Variants in NLK observed in about 807,000 individuals in gnomAD.
NLK encodes the protein serine/threonine-protein kinase NLK.
Under a neutral mutation model 59.0 loss-of-function variants are expected in NLK, and 11 were observed. The observed-to-expected ratio is 0.19, with a 90% CI of 0.12 to 0.31. The LOEUF is 0.31. Among genes scored for constraint, NLK ranks in the 10% least tolerant of loss-of-function variants. The pLI is 1.00. For missense variants in NLK, 410 were observed against 661.1 expected (o/e 0.62, Z 4.16); for synonymous variants, 235 against 235.9 (o/e 1.00, Z 0.03).
rs373300084 is a variant in NLK at position 28,080,198 on chromosome 17, TC to T, written c.458+36869del. Among the ~76,000 whole-genome samples the T allele has an allele frequency of 4.4e-3, 677 of 152,298 alleles. 7 individuals are homozygous for T. Among genetic ancestry groups the T allele is most frequent in the African/African-American group, 0.016 (645 of 41,548 alleles). ...CAGGCACCGTCGCTCATGTCTGTAA[TC>T]CTGGCACTTTGGGAGGCCAAGGCAG... On this transcript the variant is annotated intron_variant, in intron 1 of 10. Transcript: ENST00000407008.
chr17:28,154,855 G>C (rs533169841), intron 3 of NLK, among the ~76,000 whole-genome samples: 1 of 152,012 alleles, frequency 6.6e-6, no homozygotes, highest in African/African-American at 2.4e-5. Flanking sequence ...CCAACATGGC[G>C]AAACCCCATC....
At chr17:28,137,892 T>G (rs1053443088) in intron 3 of NLK, among the ~76,000 whole-genome samples, 1 of 152,080 alleles carries the variant, frequency 6.6e-6, no homozygotes, top group Non-Finnish European at 1.5e-5. Flanking sequence ...CTTTTTGTCT[T>G]CATAGTTTTT....
chr17:28,064,878 T>C (rs1279454593), intron 1 of NLK, among the ~76,000 whole-genome samples: 1 of 152,238 alleles, frequency 6.6e-6, no homozygotes, highest in East Asian at 1.9e-4. Flanking sequence ...AAATTAAATG[T>C]GATAATGTGT....
At chr17:28,087,502 A>C (rs888939386) in intron 1 of NLK, among the ~76,000 whole-genome samples, 1 of 152,222 alleles carries the variant, frequency 6.6e-6, no homozygotes, top group Non-Finnish European at 1.5e-5. Context: ...ATAGAAGATC[A>C]TTATCTCGCC....
At chr17:28,194,442 A>C (rs908029355) in intron 10 of NLK, 140 bp from the exon 11 acceptor site, 1 of 617,344 alleles carries the variant, frequency 1.6e-6, no homozygotes, top group Admixed American at 2.8e-5. Flanking sequence ...CTTAGAATAA[A>C]TTCAACTTCA....
At chr17:28,152,336 A>G (rs976932924) in intron 3 of NLK, among the ~76,000 whole-genome samples, 2 of 152,136 alleles carry the variant, frequency 1.3e-5, no homozygotes, top group African/African-American at 4.8e-5. Flanking sequence ...TCGTTTATAA[A>G]TTTATAAGTC....
downstream of NLK, among the ~76,000 whole-genome samples, chr17:28,199,672 AAAAAAAAAAAAACAAAACAAAAC>A (rs1909574853): frequency 1.6e-5 from 1 of 64,232 alleles, no homozygotes; most frequent in East Asian, 3.9e-4. Flanking sequence ...TCTCAAAAAA[AAAAAAAAAAAAACAAAACAAAAC>A]AAAAAAAAAA....
At chr17:28,096,082 G>A (rs1418756400) in intron 1 of NLK, among the ~76,000 whole-genome samples, 3 of 152,130 alleles carry the variant, frequency 2.0e-5, no homozygotes, top group Non-Finnish European at 4.4e-5. Context: ...ATTAAATGGT[G>A]ACATTCAAGA....
downstream of NLK, among the ~76,000 whole-genome samples, chr17:28,198,243 C>A (rs984765420): frequency 6.6e-6 from 1 of 152,024 alleles, no homozygotes; most frequent in African/African-American, 2.4e-5. Context: ...CTCAAGTGAG[C>A]CTCCCACCTC....
At chr17:28,201,402 A>G in the NLK span, among the ~76,000 whole-genome samples, 2 of 47,150 alleles carry the variant, frequency 4.2e-5, no homozygotes, top group African/African-American at 8.2e-5. Context: ...TTTTTTTTTT[A>G]AAGAGACAGG....
At chr17:28,186,190 T>G (rs995141123) in intron 8 of NLK, among the ~76,000 whole-genome samples, 7 of 152,178 alleles carry the variant, frequency 4.6e-5, no homozygotes, top group African/African-American at 1.7e-4. Context: ...GTTATTAAGT[T>G]TACATTGGTC....
At chr17:28,122,441 A>G (rs1284206472) in intron 1 of NLK, among the ~76,000 whole-genome samples, 162 bp from the exon 2 acceptor site, 1 of 151,886 alleles carries the variant, frequency 6.6e-6, no homozygotes, top group Admixed American at 6.6e-5. Flanking sequence ...ATAGATATGT[A>G]CTCTTTTATC....
intron 3 of NLK, 23 bp from the exon 4 acceptor site, chr17:28,161,137 T>A: frequency 1.5e-6 from 2 of 1,372,838 alleles, no homozygotes; most frequent in South Asian, 2.3e-5. Flanking sequence ...TTCGCCGAAC[T>A]CTCCTTAACT....
intron 1 of NLK, among the ~76,000 whole-genome samples, chr17:28,049,621 CAG>C (rs1447738152): frequency 6.6e-6 from 1 of 152,154 alleles, no homozygotes; most frequent in Non-Finnish European, 1.5e-5. Flanking sequence ...TGCCTACTCT[CAG>C]GGTGTCCTCA....
chr17:28,146,407 C>CGATGATGAT (rs942764425), intron 3 of NLK, among the ~76,000 whole-genome samples: 2 of 63,386 alleles, frequency 3.2e-5, no homozygotes, highest in East Asian at 7.1e-4. Context: ...ATGATGATGA[C>CGATGATGAT]GATGATGATG....
chr17:28,152,628 CT>C (rs565643753), intron 3 of NLK, among the ~76,000 whole-genome samples: 118 of 147,148 alleles, frequency 8.0e-4, no homozygotes, highest in Non-Finnish European at 6.0e-4. Context: ...ATGCTTTATA[CT>C]TTTTTTTTTT....
Position 28,191,010 on chromosome 17 carries a change from T to C in NLK, c.1237-11T>C. ...GTAGTGTTGATGTGCTGGTCTCTAA[T>C]TTGATTTCAGTCCAAAAGAATATCC... On this transcript the variant is annotated splice_polypyrimidine_tract_variant and intron_variant, in intron 8 of 10. Coordinates refer to ENST00000407008, the MANE Select transcript of NLK (RefSeq NM_016231.5). 1 of 1,576,566 alleles carries C rather than the reference T, an allele frequency of 6.3e-7. No individual in the cohort carries two copies. The highest frequency in any genetic ancestry group is 1.9e-5 in the Admixed American group (1 of 53,154).
intron 4 of NLK, among the ~76,000 whole-genome samples, chr17:28,162,680 A>G (rs1456062041): frequency 1.3e-5 from 2 of 152,132 alleles, no homozygotes; most frequent in Non-Finnish European, 2.9e-5. Context: ...TTCATATTCT[A>G]TGGTAGGGGA....
chr17:28,114,286 T>G (rs1905658991), intron 1 of NLK, among the ~76,000 whole-genome samples: 1 of 152,192 alleles, frequency 6.6e-6, no homozygotes, highest in South Asian at 2.1e-4. Context: ...CAGGTCATAG[T>G]GTGTATATAT....
Sources: gnomAD v4.1 joint callset for allele counts (sites outside exome capture counted in the v4.1 genomes callset) on GRCh38, gnomAD v4.1.1 for gene constraint, MANE v1.5 for transcripts, NCBI Gene and HGNC (gene_info 2026-07-23, HGNC 2026-07-21) for gene names.